AXL: variants seen among roughly 807,000 people sequenced by gnomAD.
The protein encoded by AXL is tyrosine-protein kinase receptor UFO.
A neutral mutation model predicts 104.5 loss-of-function variants in AXL; 52 were observed. The observed-to-expected ratio is 0.50, with a 90% CI of 0.40 to 0.63. The LOEUF is 0.63. Among genes scored for constraint, AXL ranks in the 20% least tolerant of loss-of-function variants. AXL has a pLI of 0.00. For missense variants in AXL, 1,024 were observed against 1,188.5 expected, an observed-to-expected ratio of 0.86 and a Z score of 2.04; for synonymous variants, 455 against 473.7, an observed-to-expected ratio of 0.96 and a Z score of 0.51.
rs1404303495 is a variant in AXL at position 41,260,306 on chromosome 19, T to A, written c.*402T>A. 17 of 125,172 alleles carry A rather than the reference T, an allele frequency of 1.4e-4. 1 individual carries two copies. Among genetic ancestry groups the A allele is most frequent in the Non-Finnish European group, 1.8e-4 (13 of 70,608 alleles). 7.8% of individuals were successfully genotyped at this position (125,172 alleles called of 1,614,324 possible). A position where few individuals can be genotyped will look rare whatever the true frequency, so the allele number is the denominator to read the frequency against. On this transcript the variant is annotated 3_prime_UTR_variant, in exon 20 of 20. Coordinates refer to ENST00000301178, the MANE Select transcript of AXL (RefSeq NM_021913.5). ...TAAGGTTCTAAGGCCTACTTTTTTTTTTTTTTTTTTTTTTTTTTTTTTTGC... is the reference window on the plus strand; with the variant it reads ...TAAGGTTCTAAGGCCTACTTTTTTTATTTTTTTTTTTTTTTTTTTTTTTGC...
At chr19:41,251,331 G>A (rs145402747) in intron 14 of AXL, among the ~76,000 whole-genome samples, 2 of 152,192 alleles carry the variant, frequency 1.3e-5, no homozygotes, top group Non-Finnish European at 2.9e-5. Flanking sequence ...GGAGGCCAAG[G>A]CAGGCAGATC....
intron 11 of AXL, 74 bp from the exon 12 acceptor site, chr19:41,243,530 CTGAGATGGTGCT>C: frequency 9.5e-7 from 1 of 1,053,786 alleles, no homozygotes; most frequent in Non-Finnish European, 1.5e-6. Flanking sequence ...GGGCTTGAGG[CTGAGATGGTGCT>C]TGCTCAACTG....
chr19:41,256,739 C>T, intron 18 of AXL, 128 bp downstream of exon 18: 2 of 1,278,018 alleles, frequency 1.6e-6, no homozygotes, highest in Non-Finnish European at 2.2e-6. Flanking sequence ...AGGGGCTTGT[C>T]CACATGGGCT....
chr19:41,232,730 A>C (rs921606261), intron 6 of AXL, among the ~76,000 whole-genome samples: 1 of 152,176 alleles, frequency 6.6e-6, no homozygotes, highest in African/African-American at 2.4e-5. Flanking sequence ...CTCTGAGATT[A>C]GAAAGTTGGA....
At chr19:41,221,852 C>T (rs2122198199) in intron 3 of AXL, 28 bp from the exon 4 acceptor site, 1 of 1,609,692 alleles carries the variant, frequency 6.2e-7, no homozygotes. Flanking sequence ...AGAGGGACCC[C>T]AGCCTCTACC....
At chr19:41,249,242 C>T (rs2034321264) in intron 14 of AXL, among the ~76,000 whole-genome samples, 1 of 151,646 alleles carries the variant, frequency 6.6e-6, no homozygotes, top group Non-Finnish European at 1.5e-5. Context: ...AGTTTGAGAC[C>T]AGCCTAGGCA....
intron 6 of AXL, among the ~76,000 whole-genome samples, chr19:41,232,192 T>C (rs1329703934): frequency 1.3e-5 from 2 of 152,128 alleles, no homozygotes; most frequent in Non-Finnish European, 2.9e-5. Context: ...GCTGGAGCTG[T>C]CCCAGTCACC....
Position 41,219,505 on chromosome 19 carries a change from G to T in AXL, c.85+28G>T, listed in dbSNP as rs73550504. 1.9e-6 allele frequency: 3 copies of T among 1,583,380 alleles called. No individual in the cohort carries two copies. The South Asian group carries it at 3.5e-5, about 18-fold the overall frequency. On this transcript the variant is annotated intron_variant, in intron 1 of 19. Transcript: ENST00000301178. ...GAGTGATGGGGGCTCCTTGGGGCAG[G>T]GATCCCCTCGGAGGGGCTGGGGCAG...
At chr19:41,222,148 C>T (rs1378961957) in intron 4 of AXL, 92 bp downstream of exon 4, 1 of 1,312,958 alleles carries the variant, frequency 7.6e-7, no homozygotes, top group Non-Finnish European at 1.0e-6. Context: ...GCGTGAGTGT[C>T]TGACTGTCCT....
At position 41,238,062 on chromosome 19, in the gene AXL, C is replaced by T. The variant is rs2122234270; in HGVS notation, c.902C>T (p.Pro301Leu). The T allele has an allele frequency of 6.2e-7, 1 of 1,614,082 alleles. No individual in the cohort carries two copies. The highest frequency in any genetic ancestry group is 8.5e-7 in the Non-Finnish European group (1 of 1,179,996). Residue 301 changes from proline (P) to leucine (L), a missense_variant, in exon 7 of 20, where the codon CCT (proline) becomes CTT (leucine). Transcript: ENST00000301178. ...CAGCTTCGGCTAGGCAGCCTCCATC[C>T]TCACACCCCTTATCACATCCGCGTG... ...PHQLRLGSLH[P>L]HTPYHIRVAC...
rs757505670 is a variant in AXL, at chr19:41,252,445, TGA to T, written c.1804+8_1804+9del. On this transcript the variant is annotated splice_donor_region_variant and intron_variant, in intron 15 of 19. Transcript: ENST00000301178. ...ATCCCAACGTCATGAGGCTCATCGG[TGA>T]GAGAGGGGCAGATTCAAGGGGTCTA... 4.1e-5 allele frequency: 66 copies of T among 1,613,806 alleles called. No individual in the cohort carries two copies. The Middle Eastern group carries it at 1.2e-3, about 28-fold the overall frequency.
chr19:41,243,073 G>A (rs2034211847), intron 11 of AXL, 58 bp downstream of exon 11: 2 of 1,610,436 alleles, frequency 1.2e-6, no homozygotes, highest in African/African-American at 1.3e-5. Flanking sequence ...CTGGAGGCAG[G>A]GAGGCCAGTG....
At chr19:41,229,660 T>C (rs1287931455) in intron 4 of AXL, among the ~76,000 whole-genome samples, 1 of 152,110 alleles carries the variant, frequency 6.6e-6, no homozygotes, top group East Asian at 1.9e-4. Flanking sequence ...ATGTAGACAT[T>C]TGTGGAAGAC....
At position 41,238,005 on chromosome 19, in the gene AXL, C is replaced by T. The variant is rs191926606; in HGVS notation, c.845C>T (p.Pro282Leu). ...QAGEPDPPEE[P>L]LTSQASVPPH... ...GGAGAACCAGACCCCCCAGAGGAGC[C>T]CCTCACCTCGCAAGCATCCGTGCCC... The change falls in exon 7 of 20, where the codon CCC (proline) becomes CTC (leucine). Residue 282 changes from proline (P) to leucine (L), a missense_variant. Coordinates refer to ENST00000301178, the MANE Select transcript of AXL (RefSeq NM_021913.5). 2.4e-4 allele frequency: 386 copies of T among 1,613,894 alleles called. No individual in the cohort carries two copies. Among genetic ancestry groups the T allele is most frequent in the South Asian group, 1.7e-3 (158 of 91,056 alleles).
chr19:41,223,111 A>G (rs1568408132), intron 4 of AXL, among the ~76,000 whole-genome samples: 1 of 151,494 alleles, frequency 6.6e-6, no homozygotes, highest in Admixed American at 6.6e-5. Flanking sequence ...CCTGGCCAAC[A>G]TGACAAAACT....
rs763877877 is a variant in AXL, at chr19:41,256,471, G to C, written c.2056G>C (p.Val686Leu). 6.2e-7 allele frequency: 1 copy of C among 1,613,850 alleles called. No homozygotes were observed. Among genetic ancestry groups the C allele is most frequent in the South Asian group, 1.1e-5 (1 of 91,074 alleles). The change falls in exon 18 of 20, where the codon GTG (valine) becomes CTG (leucine). Residue 686 changes from valine to leucine, a missense_variant. By Grantham distance (32) the Val-to-Leu change is conservative (BLOSUM62 1). Transcript: ENST00000301178. ...AAACAGGCTGAATGAGAACATGTCC[G>C]TGTGTGTGGCGGACTTCGGGCTCTC... is the stretch of plus-strand genomic sequence containing the variant. ...RNCMLNENMS[V>L]CVADFGLSKK...
At chr19:41,230,615 TA>T (rs2033967601) in intron 4 of AXL, among the ~76,000 whole-genome samples, 1 of 148,604 alleles carries the variant, frequency 6.7e-6, no homozygotes, top group South Asian at 2.1e-4. Context: ...TCTGTGTGAG[TA>T]TGTGTGTCTA....
chr19:41,238,703 G>T, intron 8 of AXL, 94 bp downstream of exon 8: 2 of 1,460,292 alleles, frequency 1.4e-6, no homozygotes, highest in Non-Finnish European at 1.8e-6. Context: ...AGGTTGGGTA[G>T]TACACAATTG....
At chr19:41,237,542 C>T (rs567588644) in intron 6 of AXL, among the ~76,000 whole-genome samples, 1 of 152,282 alleles carries the variant, frequency 6.6e-6, no homozygotes, top group Non-Finnish European at 1.5e-5. Context: ...CGTGCCCAGT[C>T]TATTTGCGTT....
Sources: allele counts gnomAD v4.1 joint callset (sites outside exome capture counted in the v4.1 genomes callset), GRCh38; gene constraint gnomAD v4.1.1; transcripts MANE v1.5; gene names NCBI Gene and HGNC (gene_info 2026-07-23, HGNC 2026-07-21).